Variants in SGCZ observed in about 807,000 individuals in gnomAD.
The protein encoded by SGCZ is sarcoglycan zeta.
SGCZ carries 40 observed loss-of-function variants against 41.3 expected under a neutral mutation model. The observed-to-expected ratio is 0.97, with a 90% CI of 0.75 to 1.26. SGCZ has a LOEUF of 1.26. Ranked by LOEUF, SGCZ falls within the 50% of genes most tolerant of loss-of-function variation. SGCZ has a pLI of 0.00. For missense variants in SGCZ, 552 were observed against 369.8 expected (o/e 1.49, Z -4.04); for synonymous variants, 206 against 137.5 (o/e 1.50, Z -3.49).
At chr8:15,057,997 C>T (rs1402612089) in intron 1 of SGCZ, among the ~76,000 whole-genome samples, 1 of 152,054 alleles carries the variant, frequency 6.6e-6, no homozygotes, top group Non-Finnish European at 1.5e-5. Context: ...TTTTCAAATA[C>T]AAGTCAACAA....
intron 3 of SGCZ, among the ~76,000 whole-genome samples, chr8:14,274,043 G>T (rs990856959): frequency 1.3e-5 from 2 of 151,776 alleles, no homozygotes; most frequent in African/African-American, 2.4e-5. Flanking sequence ...ATTCCTCAGG[G>T]TATTGTTTTT....
chr8:14,523,054 A>AATGAAGTGTGGAAAACTTAC (rs1340776435), intron 2 of SGCZ, among the ~76,000 whole-genome samples: 2 of 151,952 alleles, frequency 1.3e-5, no homozygotes, highest in African/African-American at 4.8e-5. Context: ...TATCAGTTTG[A>AATGAAGTGTGGAAAACTTAC]ATGAAGTGTG....
intron 1 of SGCZ, among the ~76,000 whole-genome samples, chr8:14,609,604 A>C (rs951348959): frequency 7.9e-5 from 12 of 152,300 alleles, no homozygotes; most frequent in African/African-American, 2.9e-4. Flanking sequence ...CATGATATTC[A>C]ACACTTTGAA....
chr8:14,920,732 T>A (rs974277515), intron 1 of SGCZ, among the ~76,000 whole-genome samples: 4 of 152,236 alleles, frequency 2.6e-5, no homozygotes, highest in African/African-American at 9.6e-5. Context: ...GAATTACTTT[T>A]AATATAGTTA....
At chr8:14,367,916 T>C (rs1415214870) in intron 2 of SGCZ, among the ~76,000 whole-genome samples, 1 of 152,110 alleles carries the variant, frequency 6.6e-6, no homozygotes, top group Non-Finnish European at 1.5e-5. Context: ...GTCTGATCTC[T>C]AACTACAATG....
rs112509902 is a variant in SGCZ at position 15,171,404 on chromosome 8, A to C, written c.39+66181T>G. On this transcript the variant is annotated intron_variant, in intron 1 of 7. Transcript: ENST00000382080. ...TTTTCCATATAAAGTGTTTTATTGC[A>C]TTTTATTTAATTTTATCAGGCACAG... 6.2e-3 allele frequency among the ~76,000 whole-genome samples: 944 copies of C among 152,210 alleles called. 6 individuals are homozygous for C. The highest frequency in any genetic ancestry group is 0.022 in the African/African-American group (898 of 41,542).
Position 15,154,210 on chromosome 8 carries a change from A to T in SGCZ, c.39+83375T>A, listed in dbSNP as rs146781913. On this transcript the variant is annotated intron_variant, in intron 1 of 7. Coordinates refer to ENST00000382080, the MANE Select transcript of SGCZ (RefSeq NM_139167.4). The stretch of plus-strand genomic sequence containing the variant: ...TTTATAGCAAGGCAAAGACAACCTA[A>T]CACAGTCAGCTTTCACTAGTTTTGC... 1.2e-4 allele frequency among the ~76,000 whole-genome samples: 19 copies of T among 152,318 alleles called. No individual in the cohort carries two copies. The East Asian group carries it at 3.1e-3, about 25-fold the overall frequency.
Position 15,005,302 on chromosome 8 carries a change from G to GC in SGCZ, c.39+232282dup, listed in dbSNP as rs1802565473. ...TCTGTTTCCGGAGCCCCCTCCCCAC[G>GC]CCCCCTCCCCCGTTTTTTTCTTTTT... On this transcript the variant is annotated intron_variant, in intron 1 of 7. Transcript: ENST00000382080. Among the ~76,000 whole-genome samples the GC allele has an allele frequency of 5.8e-5, 8 of 138,458 alleles. No individual in the cohort carries two copies. In the South Asian group the frequency reaches 2.0e-3, roughly 35 times the overall value. 90.8% of individuals were successfully genotyped at this position (138,458 alleles called of 152,430 possible). A position where few individuals can be genotyped will look rare whatever the true frequency, so the allele number is the denominator to read the frequency against.
At chr8:14,252,011 G>C (rs998257660) in intron 3 of SGCZ, among the ~76,000 whole-genome samples, 1 of 152,052 alleles carries the variant, frequency 6.6e-6, no homozygotes, top group Non-Finnish European at 1.5e-5. Flanking sequence ...TGCCTGGCCT[G>C]ATTCATGTCT....
chr8:14,211,930 G>A (rs535007722), intron 4 of SGCZ, among the ~76,000 whole-genome samples: 1 of 152,262 alleles, frequency 6.6e-6, no homozygotes, highest in East Asian at 1.9e-4. Flanking sequence ...ATGAGCCACA[G>A]CTGTGCCATA....
chr8:14,323,776 A>G (rs1490210734), intron 3 of SGCZ, among the ~76,000 whole-genome samples: 1 of 152,120 alleles, frequency 6.6e-6, no homozygotes, highest in Admixed American at 6.5e-5. Flanking sequence ...GCCTTTTTGA[A>G]AAAATTATTC....
chr8:14,097,064 ATTTTTTGAAGAGTTT>A (rs1308831358), intron 7 of SGCZ, among the ~76,000 whole-genome samples: 1 of 151,920 alleles, frequency 6.6e-6, no homozygotes, highest in East Asian at 1.9e-4. Flanking sequence ...GGATTCATTG[ATTTTTTGAAGAGTTT>A]TTTTGTGTAT....
intron 1 of SGCZ, among the ~76,000 whole-genome samples, chr8:15,007,366 A>G (rs796162866): frequency 6.6e-5 from 10 of 152,348 alleles, no homozygotes; most frequent in African/African-American, 2.4e-4. Context: ...AATCAAAAAT[A>G]TCTTGCAATT....
intron 1 of SGCZ, among the ~76,000 whole-genome samples, chr8:14,612,276 C>CTCATGATAGTGAGTGAGT (rs1339984268): frequency 6.6e-6 from 1 of 152,134 alleles, no homozygotes; most frequent in Non-Finnish European, 1.5e-5. Context: ...CCATGCTGTT[C>CTCATGATAGTGAGTGAGT]TCATGATAGT....
At position 14,272,455 on chromosome 8, in the gene SGCZ, T is replaced by C. The variant is rs146753675; in HGVS notation, c.337-34776A>G. On this transcript the variant is annotated intron_variant, in intron 3 of 7. Coordinates refer to ENST00000382080, the MANE Select transcript of SGCZ (RefSeq NM_139167.4). Reference sequence around the variant, plus strand: ...GTGGCTGGCTCTTCAGAAGTAAAAGTCCTGACTGGTAGCACTTGGAAATTT... The same window carrying C: ...GTGGCTGGCTCTTCAGAAGTAAAAGCCCTGACTGGTAGCACTTGGAAATTT... 4.4e-3 allele frequency among the ~76,000 whole-genome samples: 664 copies of C among 152,338 alleles called. 14 individuals carry two copies. Among genetic ancestry groups the C allele is most frequent in the Non-Finnish European group, 2.2e-3 (149 of 68,038 alleles).
intron 1 of SGCZ, among the ~76,000 whole-genome samples, chr8:14,799,218 G>A (rs1341267833): frequency 1.3e-5 from 2 of 152,014 alleles, no homozygotes; most frequent in African/African-American, 4.8e-5. Flanking sequence ...CTTCATCATA[G>A]TAATTTAAAA....
Position 14,108,085 on chromosome 8 carries a change from T to A in SGCZ, c.620+78A>T, listed in dbSNP as rs1176830136. On this transcript the variant is annotated intron_variant, in intron 6 of 7. Coordinates refer to ENST00000382080, the MANE Select transcript of SGCZ (RefSeq NM_139167.4). ...ATTGGGAGAAACATTTGTCTAGTTG[T>A]CTATTTTAGTTCTTCATATATTAAG... The A allele has an allele frequency of 2.3e-5, 27 of 1,187,878 alleles. No individual in the cohort carries two copies. The Admixed American group carries it at 4.3e-4, about 19-fold the overall frequency. The allele number at this position is 1,187,878 out of a possible 1,614,324, so 73.6% of individuals were successfully genotyped here.
chr8:14,801,220 G>A (rs985208877), intron 1 of SGCZ, among the ~76,000 whole-genome samples: 3 of 152,116 alleles, frequency 2.0e-5, no homozygotes, highest in South Asian at 2.1e-4. Context: ...TCAGTGTATT[G>A]AAACAGAGAA....
chr8:14,898,175 C>A (rs143531006), intron 1 of SGCZ, among the ~76,000 whole-genome samples: 1 of 152,104 alleles, frequency 6.6e-6, no homozygotes, highest in East Asian at 1.9e-4. Context: ...GTCTCAAACT[C>A]CTGTACTCAA....
Sources: gnomAD v4.1 joint callset for allele counts (sites outside exome capture counted in the v4.1 genomes callset) on GRCh38, gnomAD v4.1.1 for gene constraint, MANE v1.5 for transcripts, NCBI Gene and HGNC (gene_info 2026-07-23, HGNC 2026-07-21) for gene names.